The following RIMS2 variants were observed in gnomAD, a reference collection of about 807,000 sequenced individuals.
RIMS2 encodes the protein regulating synaptic membrane exocytosis 2.
Under a neutral mutation model 174.4 loss-of-function variants are expected in RIMS2, and 59 were observed. The observed-to-expected ratio is 0.34, with a 90% confidence interval of 0.27 to 0.42. The LOEUF is 0.42. Ranked by LOEUF, RIMS2 falls within the 10% of genes least tolerant of loss-of-function variation. The pLI, the probability that RIMS2 is intolerant of heterozygous loss-of-function variation, is 1.00. For synonymous variants in RIMS2, 606 were observed against 572.5 expected, an observed-to-expected ratio of 1.06 and a Z score of -0.84; for missense variants, 1,620 against 1,666.3, an observed-to-expected ratio of 0.97 and a Z score of 0.48.
chr8:103,965,115 C>T (rs1385805696), intron 15 of RIMS2, among the ~76,000 whole-genome samples: 1 of 152,114 alleles, frequency 6.6e-6, no homozygotes, highest in East Asian at 1.9e-4. Flanking sequence ...CATTCTTCTC[C>T]TTCAATACTG....
rs145550278 is a variant in RIMS2, at chr8:104,148,754, T to A, written c.3335-96162T>A. 3.6e-4 allele frequency: 582 copies of A among 1,598,354 alleles called. 1 individual carries two copies. The African/African-American group carries it at 6.8e-3, about 19-fold the overall frequency. On this transcript the variant is annotated intron_variant, in intron 19 of 23. Coordinates refer to ENST00000504942, the Ensembl canonical transcript of RIMS2. ...CTGCAGTGGGCACCTTGGGCACCAG[T>A]GGCAAAAAGCGGCGCTCTAGCCTTG...
At chr8:103,567,332 C>T (rs578190382) in intron 1 of RIMS2, among the ~76,000 whole-genome samples, 31 of 152,270 alleles carry the variant, frequency 2.0e-4, no homozygotes, top group African/African-American at 7.5e-4. Flanking sequence ...TCCCTCATCC[C>T]AGCCACCAAT....
rs986099204 is a variant in RIMS2, at chr8:103,552,412, T to C, written c.176+51350T>C. 2.0e-5 allele frequency among the ~76,000 whole-genome samples: 3 copies of C among 152,136 alleles called. No individual in the cohort carries two copies. In the South Asian group the frequency reaches 6.2e-4, roughly 31 times the overall value. On this transcript the variant is annotated intron_variant, in intron 1 of 23. Transcript: ENST00000504942. Reference sequence around the variant, plus strand: ...GCTAGCCATATGTAGAAAGCTGAAATTGGATCCCTTCTTTATACCTTATAC... The same window carrying C: ...GCTAGCCATATGTAGAAAGCTGAAACTGGATCCCTTCTTTATACCTTATAC...
intron 1 of RIMS2, among the ~76,000 whole-genome samples, chr8:103,678,497 T>A (rs1420414051): frequency 6.6e-6 from 1 of 152,146 alleles, no homozygotes; most frequent in Non-Finnish European, 1.5e-5. Flanking sequence ...TAGTCAGTGA[T>A]GTTAAGGAAT....
chr8:103,905,190 T>G (rs2074107853), intron 4 of RIMS2, among the ~76,000 whole-genome samples: 1 of 152,106 alleles, frequency 6.6e-6, no homozygotes, highest in African/African-American at 2.4e-5. Flanking sequence ...TTTAGTATCT[T>G]TATTTCTTCT....
rs111394806 is a variant in RIMS2, at chr8:104,177,741, T to C, written c.3335-67175T>C. On this transcript the variant is annotated intron_variant, in intron 19 of 23. Transcript: ENST00000504942. ...ATAGACTATAAGTAACTCTATTGGCTATATATTGTCCGACTGTAGGCCACC... is the reference window on the plus strand; with the variant it reads ...ATAGACTATAAGTAACTCTATTGGCCATATATTGTCCGACTGTAGGCCACC... Among the ~76,000 whole-genome samples the C allele has an allele frequency of 4.3e-3, 657 of 152,290 alleles. 3 individuals are homozygous for C. The highest frequency in any genetic ancestry group is 0.015 in the African/African-American group (612 of 41,574).
At chr8:103,772,266 A>T (rs1175201348) in intron 3 of RIMS2, among the ~76,000 whole-genome samples, 1 of 151,966 alleles carries the variant, frequency 6.6e-6, no homozygotes, top group East Asian at 1.9e-4. Flanking sequence ...TAGAACATTA[A>T]TGGGATCTAT....
At chr8:103,772,467 A>G (rs2098264802) in intron 3 of RIMS2, among the ~76,000 whole-genome samples, 1 of 152,126 alleles carries the variant, frequency 6.6e-6, no homozygotes, top group Admixed American at 6.6e-5. Context: ...AAATATGTAC[A>G]AGGTCCATAT....
intron 19 of RIMS2, among the ~76,000 whole-genome samples, chr8:104,190,755 G>C (rs1356633363): frequency 2.0e-5 from 3 of 151,958 alleles, no homozygotes; most frequent in Non-Finnish European, 4.4e-5. Flanking sequence ...GACCTTTTGG[G>C]TAACTACTTA....
At chr8:104,030,037 A>G (rs1321981690) in intron 19 of RIMS2, among the ~76,000 whole-genome samples, 1 of 152,168 alleles carries the variant, frequency 6.6e-6, no homozygotes, top group Admixed American at 6.6e-5. Flanking sequence ...GTTACAGTAT[A>G]GCATATTTTT....
At chr8:103,591,972 T>C (rs993507800) in intron 1 of RIMS2, among the ~76,000 whole-genome samples, 1 of 151,250 alleles carries the variant, frequency 6.6e-6, no homozygotes, top group East Asian at 1.9e-4. Flanking sequence ...TTGCATTGAA[T>C]CTTTAGATCT....
At chr8:104,093,393 T>C in intron 19 of RIMS2, 78 bp from the exon 24 acceptor site, 1 of 1,024,728 alleles carries the variant, frequency 9.8e-7, no homozygotes, top group Non-Finnish European at 1.4e-6. Flanking sequence ...ATTAAAGTGA[T>C]GAAATAGGAG....
At chr8:103,747,441 A>T (rs1283427138) in intron 2 of RIMS2, among the ~76,000 whole-genome samples, 1 of 152,018 alleles carries the variant, frequency 6.6e-6, no homozygotes, top group East Asian at 1.9e-4. Context: ...CAAAAAAAAA[A>T]TATGACATGA....
At chr8:103,976,025 C>T (rs1047365367) in intron 16 of RIMS2, 1 of 152,568 alleles carries the variant, frequency 6.6e-6, no homozygotes, top group Non-Finnish European at 1.5e-5. Context: ...ATGTCAGTCT[C>T]CTCTGGCAAC....
At chr8:103,553,129 A>T (rs1364985426) in intron 1 of RIMS2, among the ~76,000 whole-genome samples, 2 of 152,098 alleles carry the variant, frequency 1.3e-5, no homozygotes, top group Non-Finnish European at 2.9e-5. Flanking sequence ...TCATGCTGCT[A>T]TAAAGACACA....
intron 3 of RIMS2, among the ~76,000 whole-genome samples, chr8:103,870,433 A>C (rs565611775): frequency 3.9e-4 from 59 of 152,020 alleles, no homozygotes; most frequent in African/African-American, 1.4e-3. Flanking sequence ...AAATTATAGC[A>C]TTCTTTATCA....
chr8:103,607,831 A>T (rs2095188500), intron 1 of RIMS2, among the ~76,000 whole-genome samples: 2 of 131,460 alleles, frequency 1.5e-5, no homozygotes, highest in South Asian at 2.4e-4. Flanking sequence ...GTAGTTCTCG[A>T]GCCTTGGTTT....
At chr8:103,686,189 C>T (rs1189364555) in intron 1 of RIMS2, among the ~76,000 whole-genome samples, 2 of 151,976 alleles carry the variant, frequency 1.3e-5, no homozygotes, top group Non-Finnish European at 2.9e-5. Context: ...TATCCTGTGA[C>T]CTTGCTAAAT....
At chr8:103,743,344 G>C (rs932233743) in intron 2 of RIMS2, among the ~76,000 whole-genome samples, 1 of 152,124 alleles carries the variant, frequency 6.6e-6, no homozygotes, top group African/African-American at 2.4e-5. Context: ...AGAAAATTAT[G>C]ATGACTCCAG....
Sources: gnomAD v4.1 joint callset for allele counts (sites outside exome capture counted in the v4.1 genomes callset) on GRCh38, gnomAD v4.1.1 for gene constraint, MANE v1.5 for transcripts, NCBI Gene and HGNC (gene_info 2026-07-23, HGNC 2026-07-21) for gene names.